The following NPNT variants were observed in gnomAD, a reference collection of about 807,000 sequenced individuals.
NPNT encodes the protein preosteoblast EGF-like repeat protein with MAM domain.
In NPNT, 45 loss-of-function variants were observed where a neutral mutation model predicts 68.6. The observed-to-expected ratio is 0.66, with a 90% confidence interval of 0.52 to 0.84. The LOEUF (loss-of-function observed/expected upper bound fraction) is 0.84. NPNT is among the 40% of genes least tolerant of loss of function. NPNT has a pLI of 0.00. For missense variants in NPNT, 672 were observed against 714.8 expected (o/e 0.94, Z 0.68); for synonymous variants, 233 against 253.3 (o/e 0.92, Z 0.76).
chr4:105,959,063 C>T lies in NPNT; in HGVS notation c.1282C>T (p.Leu428Phe). Residue 428 changes from leucine (L) to phenylalanine (F), a missense_variant, in exon 10 of 12, where the codon CTT becomes TTT. Transcript: ENST00000379987. The part of the protein sequence containing the change: ...LVHSCNFDHG[L>F]CGWIREKDND... ...ACACAGTTGTAATTTTGACCATGGACTTTGTGGATGGATCAGGGAGAAAGA... is the reference window on the plus strand; with the variant it reads ...ACACAGTTGTAATTTTGACCATGGATTTTGTGGATGGATCAGGGAGAAAGA... 1 of 1,613,234 alleles carries T rather than the reference C, an allele frequency of 6.2e-7. No homozygotes were observed. The highest frequency in any genetic ancestry group is 8.5e-7 in the Non-Finnish European group (1 of 1,179,254).
intron 10 of NPNT, among the ~76,000 whole-genome samples, chr4:105,965,404 A>G (rs1000250247): frequency 3.3e-5 from 5 of 151,468 alleles, no homozygotes; most frequent in African/African-American, 1.2e-4. Flanking sequence ...TGGTGCGCAC[A>G]GAGTAGCTCT....
chr4:105,958,953 C>T lies in NPNT; in HGVS notation c.1247-75C>T, dbSNP rs948435351. 5 of 903,936 alleles carry T rather than the reference C, an allele frequency of 5.5e-6. No individual in the cohort carries two copies. The Admixed American group carries it at 8.7e-5, about 16-fold the overall frequency. The allele number at this position is 903,936 out of a possible 1,614,324, so 56.0% of individuals were successfully genotyped here. ...GAGAGAACACTTGTTGTCTAGATAC[C>T]CCTAGTTCATAGATTCATTTGTTGT... On this transcript the variant is annotated intron_variant, in intron 9 of 11. Transcript: ENST00000379987.
At chr4:105,924,772 T>C (rs1728562646) in intron 2 of NPNT, among the ~76,000 whole-genome samples, 1 of 152,218 alleles carries the variant, frequency 6.6e-6, no homozygotes, top group Non-Finnish European at 1.5e-5. Context: ...GGGCCTCAAG[T>C]TTAATTGTTT....
At chr4:105,966,252 A>G (rs1018043976) in intron 10 of NPNT, among the ~76,000 whole-genome samples, 8 of 152,218 alleles carry the variant, frequency 5.3e-5, no homozygotes, top group African/African-American at 1.7e-4. Flanking sequence ...TCATTTGTAC[A>G]TGGATCAAGT....
intron 2 of NPNT, among the ~76,000 whole-genome samples, chr4:105,906,961 A>G (rs1400263506): frequency 4.6e-5 from 7 of 152,192 alleles, no homozygotes; most frequent in Non-Finnish European, 8.8e-5. Context: ...TGATGCTGAT[A>G]CATGGATATG....
At chr4:105,914,490 G>T (rs902995408) in intron 2 of NPNT, among the ~76,000 whole-genome samples, 2 of 137,564 alleles carry the variant, frequency 1.5e-5, no homozygotes, top group African/African-American at 5.5e-5. Context: ...TAGAGAGAGA[G>T]ATAATGGAGA....
At chr4:105,940,686 T>C in intron 7 of NPNT, 50 bp downstream of exon 7, 2 of 1,550,170 alleles carry the variant, frequency 1.3e-6, no homozygotes, top group Non-Finnish European at 1.8e-6. Flanking sequence ...AAATACAGGA[T>C]TACACAAAGG....
intron 10 of NPNT, among the ~76,000 whole-genome samples, chr4:105,964,294 T>C (rs1319980567): frequency 6.6e-6 from 1 of 152,196 alleles, no homozygotes; most frequent in Non-Finnish European, 1.5e-5. Flanking sequence ...TAGCCAGCCC[T>C]CCACAGAGGA....
chr4:105,969,040 C>A lies in NPNT; in HGVS notation c.*50C>A. On this transcript the variant is annotated 3_prime_UTR_variant, in exon 12 of 12. Transcript: ENST00000379987. ...CCTATGTTGCTCTATCCTCTTTTTC[C>A]AATTCTCATCTTCTCTCCTCTTCTC... 1 of 1,154,008 alleles carries A rather than the reference C, an allele frequency of 8.7e-7. No homozygotes were observed. Among genetic ancestry groups the A allele is most frequent in the Non-Finnish European group, 1.3e-6 (1 of 776,876 alleles). The allele number at this position is 1,154,008 out of a possible 1,614,324, so 71.5% of individuals were successfully genotyped here. A position where few individuals can be genotyped will look rare whatever the true frequency, so the allele number is the denominator to read the frequency against.
At chr4:105,914,792 G>A (rs1727669018) in intron 2 of NPNT, among the ~76,000 whole-genome samples, 2 of 152,024 alleles carry the variant, frequency 1.3e-5, no homozygotes, top group Admixed American at 6.6e-5. Context: ...TTAAAGCTCA[G>A]TAGCCAGAGG....
In NPNT at chr4:105,904,323, A is replaced by G. The variant is rs369269980; in HGVS notation, c.172+6322A>G. On this transcript the variant is annotated intron_variant, in intron 2 of 11. Coordinates refer to ENST00000379987, the MANE Select transcript of NPNT (RefSeq NM_001033047.3). Reference sequence around the variant, plus strand: ...ATTTGTAATTTTTATCAATTGCCCAATGACTTCTTACTCAGTAGAGAAGAT... The same window carrying G: ...ATTTGTAATTTTTATCAATTGCCCAGTGACTTCTTACTCAGTAGAGAAGAT... Among the ~76,000 whole-genome samples, 145 of 152,316 alleles carry G rather than the reference A, an allele frequency of 9.5e-4. 1 individual carries two copies. Among genetic ancestry groups the G allele is most frequent in the African/African-American group, 3.3e-3 (136 of 41,576 alleles).
intron 3 of NPNT, among the ~76,000 whole-genome samples, chr4:105,930,982 G>T (rs1262567322): frequency 6.6e-6 from 1 of 152,132 alleles, no homozygotes; most frequent in African/African-American, 2.4e-5. Context: ...ACAGGCTTGG[G>T]CTGATCATTA....
chr4:105,928,998 C>T (rs1276504897), intron 3 of NPNT, among the ~76,000 whole-genome samples: 1 of 151,656 alleles, frequency 6.6e-6, no homozygotes, highest in African/African-American at 2.4e-5. Context: ...ATGTGGAAAA[C>T]ATGAAGCTTT....
intron 2 of NPNT, among the ~76,000 whole-genome samples, chr4:105,919,793 T>C (rs1237456664): frequency 6.7e-6 from 1 of 149,902 alleles, no homozygotes; most frequent in Non-Finnish European, 1.5e-5. Flanking sequence ...ATTGGTGATA[T>C]TAAGTTTGAT....
chr4:105,923,873 C>T (rs1480396968), intron 2 of NPNT, among the ~76,000 whole-genome samples: 3 of 152,088 alleles, frequency 2.0e-5, no homozygotes, highest in African/African-American at 4.8e-5. Context: ...ATTTTAAAAG[C>T]CATTCTATAT....
At chr4:105,896,076 C>T (rs1048746710) in intron 1 of NPNT, 11 of 280,060 alleles carry the variant, frequency 3.9e-5, no homozygotes, top group Non-Finnish European at 6.1e-5. Context: ...ACATCCCTTA[C>T]CCGGGAAACT....
intron 2 of NPNT, among the ~76,000 whole-genome samples, chr4:105,923,529 C>T (rs539015030): frequency 7.6e-4 from 115 of 152,210 alleles, no homozygotes; most frequent in Non-Finnish European, 1.6e-3. Flanking sequence ...CTACAAGTAA[C>T]GTGACACAAA....
chr4:105,911,326 T>A (rs1727345843), intron 2 of NPNT, among the ~76,000 whole-genome samples: 1 of 152,134 alleles, frequency 6.6e-6, no homozygotes, highest in Non-Finnish European at 1.5e-5. Flanking sequence ...GACTTAGAAT[T>A]TTTTTCTTCT....
chr4:105,942,136 T>TAGAA (rs140603677), intron 7 of NPNT, among the ~76,000 whole-genome samples, 171 bp from the exon 8 acceptor site: 1 of 147,740 alleles, frequency 6.8e-6, no homozygotes. Context: ...TATATATATA[T>TAGAA]ACACACATAT....
Sources: allele counts gnomAD v4.1 joint callset (sites outside exome capture counted in the v4.1 genomes callset), GRCh38; gene constraint gnomAD v4.1.1; transcripts MANE v1.5; gene names NCBI Gene and HGNC (gene_info 2026-07-23, HGNC 2026-07-21).